CHCHD6: variants seen among roughly 807,000 people sequenced by gnomAD.
The protein encoded by CHCHD6 is MICOS complex subunit MIC25.
Under a neutral mutation model 32.3 loss-of-function variants are expected in CHCHD6, and 28 were observed. The observed-to-expected ratio is 0.87, with a 90% CI of 0.64 to 1.19. The LOEUF is 1.19. Ranked by LOEUF, CHCHD6 falls within the 50% of genes most tolerant of loss-of-function variation. The pLI, the probability that CHCHD6 is intolerant of heterozygous loss-of-function variation, is 0.00. For missense variants in CHCHD6, 333 were observed against 307.0 expected, an observed-to-expected ratio of 1.08 and a Z score of -0.63; for synonymous variants, 122 against 117.5, an observed-to-expected ratio of 1.04 and a Z score of -0.25.
chr3:126,757,369 G>C (rs1936992294), intron 4 of CHCHD6, among the ~76,000 whole-genome samples: 1 of 152,170 alleles, frequency 6.6e-6, no homozygotes, highest in Admixed American at 6.5e-5. Flanking sequence ...CTAGGGAAAA[G>C]TCCTTAACAA....
intron 5 of CHCHD6, among the ~76,000 whole-genome samples, chr3:126,876,896 G>C (rs947533436): frequency 2.0e-5 from 3 of 152,164 alleles, no homozygotes; most frequent in African/African-American, 7.2e-5. Flanking sequence ...AGCAGCCAGC[G>C]GACTCAGCAG....
intron 4 of CHCHD6, chr3:126,766,947 C>A: frequency 9.8e-7 from 1 of 1,016,598 alleles, no homozygotes; most frequent in Non-Finnish European, 1.6e-6. Context: ...AGAAGACTCA[C>A]TTCTGGGAGT....
At chr3:126,827,283 C>T (rs1940436792) in intron 4 of CHCHD6, among the ~76,000 whole-genome samples, 1 of 152,148 alleles carries the variant, frequency 6.6e-6, no homozygotes, top group African/African-American at 2.4e-5. Context: ...ATTCTTGCTG[C>T]AGTATGAGGA....
At chr3:126,815,470 C>T (rs78386832) in intron 4 of CHCHD6, among the ~76,000 whole-genome samples, 3,169 of 152,294 alleles carry the variant, frequency 0.021, 111 homozygotes, top group African/African-American at 0.072. Context: ...CCCTCCACCT[C>T]GTTGTCTAAG....
intron 6 of CHCHD6, among the ~76,000 whole-genome samples, chr3:126,926,328 T>A (rs910733802): frequency 9.2e-5 from 14 of 152,228 alleles, no homozygotes; most frequent in African/African-American, 2.4e-5. Context: ...CTTTGTATCC[T>A]CAGGGTCCAA....
chr3:126,932,138 G>C (rs1337911505), intron 6 of CHCHD6, among the ~76,000 whole-genome samples: 2 of 152,164 alleles, frequency 1.3e-5, no homozygotes, highest in East Asian at 3.9e-4. Flanking sequence ...TTCTTTTAGA[G>C]GAGAGAGGGG....
At chr3:126,817,217 T>C (rs1939946043) in intron 4 of CHCHD6, among the ~76,000 whole-genome samples, 1 of 152,302 alleles carries the variant, frequency 6.6e-6, no homozygotes, top group African/African-American at 2.4e-5. Flanking sequence ...TGTTCTTGCC[T>C]GTCTCTTTTA....
intron 5 of CHCHD6, among the ~76,000 whole-genome samples, chr3:126,883,331 G>A (rs1210666304): frequency 6.6e-6 from 1 of 152,204 alleles, no homozygotes; most frequent in Admixed American, 6.5e-5. Flanking sequence ...CCTGTGACTG[G>A]TATCTGAGGT....
At chr3:126,934,040 GCA>G (rs1220649360) in intron 6 of CHCHD6, among the ~76,000 whole-genome samples, 1 of 152,216 alleles carries the variant, frequency 6.6e-6, no homozygotes, top group African/African-American at 2.4e-5. Flanking sequence ...TCAGCCTTGA[GCA>G]TTTCCCTGGG....
intron 4 of CHCHD6, among the ~76,000 whole-genome samples, chr3:126,747,403 T>C (rs1416416447): frequency 6.6e-6 from 1 of 152,176 alleles, no homozygotes; most frequent in Non-Finnish European, 1.5e-5. Context: ...ATAAGGTTAG[T>C]ATGGGGTTTC....
At chr3:126,827,142 C>T (rs933155848) in intron 4 of CHCHD6, among the ~76,000 whole-genome samples, 2 of 152,094 alleles carry the variant, frequency 1.3e-5, no homozygotes, top group African/African-American at 2.4e-5. Flanking sequence ...GAGAGGTGAG[C>T]AAGAACCAGA....
At chr3:126,749,020 G>C (rs1009227873) in intron 4 of CHCHD6, among the ~76,000 whole-genome samples, 1 of 152,198 alleles carries the variant, frequency 6.6e-6, no homozygotes, top group African/African-American at 2.4e-5. Flanking sequence ...TGTGAGCCGC[G>C]ACCTAGAGGG....
At chr3:126,855,588 A>C (rs1164099526) in intron 5 of CHCHD6, among the ~76,000 whole-genome samples, 1 of 152,162 alleles carries the variant, frequency 6.6e-6, no homozygotes, top group Admixed American at 6.5e-5. Flanking sequence ...GCCTGACCCC[A>C]ACACCTGCTC....
chr3:126,914,575 C>A, intron 5 of CHCHD6, 105 bp from the exon 6 acceptor site: 1 of 749,810 alleles, frequency 1.3e-6, no homozygotes, highest in Non-Finnish European at 2.4e-6. Flanking sequence ...GCTTTGATGC[C>A]CGTCAAGAAA....
intron 5 of CHCHD6, chr3:126,865,625 T>TG: frequency 1.0e-6 from 1 of 985,318 alleles, no homozygotes; most frequent in Non-Finnish European, 1.2e-6. Context: ...CCATTTTGAT[T>TG]GCTGCTGCCC....
intron 1 of CHCHD6, among the ~76,000 whole-genome samples, chr3:126,719,973 TG>T (rs1935204311): frequency 6.6e-6 from 1 of 152,024 alleles, no homozygotes; most frequent in African/African-American, 2.4e-5. Flanking sequence ...CTCCACCTCC[TG>T]GGGTCAAATG....
chr3:126,885,115 G>A (rs931859088), intron 5 of CHCHD6, among the ~76,000 whole-genome samples: 2 of 152,188 alleles, frequency 1.3e-5, no homozygotes, highest in African/African-American at 2.4e-5. Context: ...CCAGTGCTGT[G>A]CCCATTCCAG....
chr3:126,954,343 A>T (rs950470334), intron 6 of CHCHD6, among the ~76,000 whole-genome samples: 2 of 152,192 alleles, frequency 1.3e-5, no homozygotes, highest in African/African-American at 4.8e-5. Flanking sequence ...GGACACAGCC[A>T]GGCTGACCAT....
At chr3:126,833,380 A>T (rs891327675) in intron 4 of CHCHD6, among the ~76,000 whole-genome samples, 1 of 152,250 alleles carries the variant, frequency 6.6e-6, no homozygotes, top group African/African-American at 2.4e-5. Context: ...CCTGAAAGAC[A>T]GAAGATTTGC....
Sources: allele counts gnomAD v4.1 joint callset (sites outside exome capture counted in the v4.1 genomes callset), GRCh38; gene constraint gnomAD v4.1.1; transcripts MANE v1.5; gene names NCBI Gene and HGNC (gene_info 2026-07-23, HGNC 2026-07-21).